The following PRDX2 variants were observed in gnomAD, a reference collection of about 807,000 sequenced individuals.
PRDX2 encodes the protein peroxiredoxin-2.
PRDX2 carries 10 observed loss-of-function variants against 19.8 expected under a neutral mutation model. The observed-to-expected ratio is 0.50, with a 90% CI of 0.31 to 0.86. PRDX2 has a LOEUF of 0.86. PRDX2 is among the 40% of genes least tolerant of loss of function. PRDX2 has a pLI of 0.04. For synonymous variants in PRDX2, 118 were observed against 108.2 expected (o/e 1.09, Z -0.56); for missense variants, 226 against 260.1 (o/e 0.87, Z 0.90).
At chr19:12,798,370 C>T (rs1438876721) in intron 5 of PRDX2, among the ~76,000 whole-genome samples, 3 of 136,014 alleles carry the variant, frequency 2.2e-5, no homozygotes, top group African/African-American at 5.5e-5. Flanking sequence ...TTTTTTGAGA[C>T]GGAGTTTCGC....
intron 5 of PRDX2, among the ~76,000 whole-genome samples, chr19:12,797,656 C>CTTTCTTTTTTTTTTTTTTTTTT (rs1321932913): frequency 3.5e-5 from 4 of 113,062 alleles, no homozygotes; most frequent in African/African-American, 1.1e-4. Context: ...TTCTTTCTTT[C>CTTTCTTTTTTTTTTTTTTTTTT]TTTTTTTTTT....
intron 5 of PRDX2, among the ~76,000 whole-genome samples, chr19:12,798,454 C>T (rs1480527068): frequency 4.0e-5 from 6 of 151,542 alleles, no homozygotes; most frequent in Admixed American, 2.6e-4. Context: ...CAGCTTCAAA[C>T]GATTCTCTTG....
chr19:12,800,804 C>T, intron 3 of PRDX2, 112 bp downstream of exon 3: 1 of 1,548,968 alleles, frequency 6.5e-7, no homozygotes, highest in South Asian at 1.2e-5. Flanking sequence ...CCATTATTTT[C>T]ACGATGGGGA....
chr19:12,801,097 G>C (rs752368896), intron 2 of PRDX2, 28 bp from the exon 3 acceptor site: 68 of 1,612,766 alleles, frequency 4.2e-5, no homozygotes, highest in Non-Finnish European at 5.5e-5. Context: ...AGAGGAGTTA[G>C]GGCCCAGCTT....
Position 12,797,150 on chromosome 19 carries a change from C to A in PRDX2, c.528G>T (p.Trp176Cys). ...DEHGEVCPAG[W>C]KPGSDTIKPN... ...GCTTAATCGTGTCACTGCCAGGCTT[C>A]CAGCCAGCGGGACAAACTGTGGGAA... The change falls in exon 6 of 6, where the codon TGG becomes TGT. Residue 176 changes from tryptophan (W) to cysteine (C), a missense_variant. By Grantham distance (215) the Trp-to-Cys change is radical (BLOSUM62 -2). Transcript: ENST00000301522. 1.2e-6 allele frequency: 2 copies of A among 1,614,038 alleles called. No homozygotes were observed. The highest frequency in any genetic ancestry group is 1.7e-6 in the Non-Finnish European group (2 of 1,179,934).
At position 12,801,516 on chromosome 19, in the gene PRDX2, G is replaced by C. The variant is rs566613714; in HGVS notation, c.-10+224C>G. The stretch of plus-strand genomic sequence containing the variant: ...AGCGAGTCGGCCGGAGGGCGGTGTC[G>C]CAAGCCCCCAGCCCAGAAGGAGACA... On this transcript the variant is annotated intron_variant, in intron 1 of 5. Coordinates refer to ENST00000301522, the MANE Select transcript of PRDX2 (RefSeq NM_005809.6). 1.6e-3 allele frequency among the ~76,000 whole-genome samples: 250 copies of C among 152,352 alleles called. 1 individual carries two copies. Among genetic ancestry groups the C allele is most frequent in the African/African-American group, 5.7e-3 (239 of 41,584 alleles).
At chr19:12,800,676 AAGTACATAGAGTAGATAGAGTTGCATCTG>A in intron 3 of PRDX2, 2 of 1,443,538 alleles carry the variant, frequency 1.4e-6, no homozygotes, top group South Asian at 3.0e-5. Flanking sequence ...CCTGGGAACT[AAGTACATAGAGTAGATAGAGTTGCATCTG>A]AGTTGCATCT....
intron 1 of PRDX2, 114 bp downstream of exon 1, chr19:12,801,626 C>CA (rs1038198179): frequency 8.6e-5 from 33 of 383,416 alleles, no homozygotes; most frequent in Non-Finnish European, 1.3e-4. Context: ...CCCGCAAGGA[C>CA]AAAGGAGGCC....
At chr19:12,800,106 A>G (rs1968861924) in intron 4 of PRDX2, 71 bp downstream of exon 4, 1 of 1,602,194 alleles carries the variant, frequency 6.2e-7, no homozygotes, top group Non-Finnish European at 8.5e-7. Context: ...GACATTGTAC[A>G]GGAGTGGTCC....
chr19:12,797,233 G>T, intron 5 of PRDX2, 67 bp from the exon 6 acceptor site: 1 of 1,385,296 alleles, frequency 7.2e-7, no homozygotes, highest in Admixed American at 1.8e-5. Context: ...CAAAGCAAGG[G>T]CCTGTGTTGC....
chr19:12,800,196 C>T lies in PRDX2; in HGVS notation c.361G>A (p.Asp121Asn). ...LSEDYGVLKT[D>N]EGIAYRGLFI... ...CAGTACCTGTAGGCAATGCCCTCATCTGTTTTCAGCACGCCGTAATCCTCA... is the reference window on the plus strand; with the variant it reads ...CAGTACCTGTAGGCAATGCCCTCATTTGTTTTCAGCACGCCGTAATCCTCA... The change falls in exon 4 of 6, where the codon GAT (aspartate) becomes AAT (asparagine). Residue 121 changes from aspartate to asparagine, a missense_variant. Transcript: ENST00000301522. The T allele has an allele frequency of 1.2e-6, 2 of 1,613,922 alleles. No individual in the cohort carries two copies. The highest frequency in any genetic ancestry group is 1.3e-5 in the African/African-American group (1 of 75,048).
chr19:12,800,440 C>G (rs1968870740), intron 3 of PRDX2, 141 bp from the exon 4 acceptor site: 1 of 1,132,618 alleles, frequency 8.8e-7, no homozygotes, highest in Non-Finnish European at 1.2e-6. Flanking sequence ...ACCCACCCCA[C>G]CCTGGGTTGG....
intron 5 of PRDX2, among the ~76,000 whole-genome samples, chr19:12,798,010 T>G (rs1968823150): frequency 6.6e-6 from 1 of 151,890 alleles, no homozygotes; most frequent in Non-Finnish European, 1.5e-5. Flanking sequence ...TTCTTCAATT[T>G]CTTTTTGCCA....
intron 3 of PRDX2, 139 bp downstream of exon 3, chr19:12,800,777 C>G: frequency 1.3e-6 from 2 of 1,545,394 alleles, no homozygotes; most frequent in Non-Finnish European, 1.7e-6. Context: ...TCCTTAAAGA[C>G]TTGGGCGGCA....
At position 12,800,693 on chromosome 19, in the gene PRDX2, A is replaced by G; in HGVS notation, c.257+223T>C. On this transcript the variant is annotated intron_variant, in intron 3 of 5. Transcript: ENST00000301522. ...TGGGAACTAAGTACATAGAGTAGATAGAGTTGCATCTGAGTTGCATCTGCA... is the reference window on the plus strand; with the variant it reads ...TGGGAACTAAGTACATAGAGTAGATGGAGTTGCATCTGAGTTGCATCTGCA... 6 of 1,464,140 alleles carry G rather than the reference A, an allele frequency of 4.1e-6. No homozygotes were observed. The South Asian group carries it at 7.1e-5, about 17-fold the overall frequency. 90.7% of individuals were successfully genotyped at this position (1,464,140 alleles called of 1,614,324 possible).
At chr19:12,797,727 G>C (rs1028930653) in intron 5 of PRDX2, among the ~76,000 whole-genome samples, 1 of 136,108 alleles carries the variant, frequency 7.3e-6, no homozygotes, top group Non-Finnish European at 1.5e-5. Flanking sequence ...GCGTGATCTC[G>C]GCTCATTGCA....
At position 12,797,139 on chromosome 19, in the gene PRDX2, C is replaced by G. The variant is rs1052325989; in HGVS notation, c.539G>C (p.Ser180Thr). 1 of 1,614,128 alleles carries G rather than the reference C, an allele frequency of 6.2e-7. No individual in the cohort carries two copies. The highest frequency in any genetic ancestry group is 8.5e-7 in the Non-Finnish European group (1 of 1,179,992). The change falls in exon 6 of 6, where the codon AGT becomes ACT. Residue 180 changes from serine to threonine, a missense_variant. Ser to Thr is a moderately conservative substitution (Grantham distance 58). Coordinates refer to ENST00000301522, the MANE Select transcript of PRDX2 (RefSeq NM_005809.6). Reference protein sequence around the residue: ...EVCPAGWKPGSDTIKPNVDDS... With the variant: ...EVCPAGWKPGTDTIKPNVDDS... ...ATCCACGTTGGGCTTAATCGTGTCA[C>G]TGCCAGGCTTCCAGCCAGCGGGACA...
At chr19:12,799,764 C>T in intron 5 of PRDX2, 95 bp downstream of exon 5, 2 of 1,492,242 alleles carry the variant, frequency 1.3e-6, no homozygotes, top group South Asian at 1.3e-5. Context: ...GGCCCTAACA[C>T]CCATCTGGAC....
Position 12,797,004 on chromosome 19 carries a change from C to T in PRDX2, c.*77G>A, listed in dbSNP as rs898726128. 1 of 1,465,794 alleles carries T rather than the reference C, an allele frequency of 6.8e-7. No individual in the cohort carries two copies. Among genetic ancestry groups the T allele is most frequent in the Non-Finnish European group, 9.5e-7 (1 of 1,055,332 alleles). 90.8% of individuals were successfully genotyped at this position (1,465,794 alleles called of 1,614,324 possible). Reference sequence around the variant, plus strand: ...TGGCCTTTCCTGGGTCAGCATAGGGCACCCAGGTGGGGGCACAGGTGGACA... The same window carrying T: ...TGGCCTTTCCTGGGTCAGCATAGGGTACCCAGGTGGGGGCACAGGTGGACA... On this transcript the variant is annotated 3_prime_UTR_variant, in exon 6 of 6. Coordinates refer to ENST00000301522, the MANE Select transcript of PRDX2 (RefSeq NM_005809.6).
Sources: gnomAD v4.1 joint callset for allele counts (sites outside exome capture counted in the v4.1 genomes callset) on GRCh38, gnomAD v4.1.1 for gene constraint, MANE v1.5 for transcripts, NCBI Gene and HGNC (gene_info 2026-07-23, HGNC 2026-07-21) for gene names.